RGS5: variants seen among roughly 807,000 people sequenced by gnomAD.
RGS5 encodes the protein regulator of G protein signaling 5.
Under a neutral mutation model 18.9 loss-of-function variants are expected in RGS5, and 20 were observed. That is an observed-to-expected ratio of 1.06 (90% confidence interval 0.74 to 1.54). RGS5 has a LOEUF of 1.54. Ranked by LOEUF, RGS5 falls within the 40% of genes most tolerant of loss-of-function variation. The pLI is 0.00. For missense variants in RGS5, 201 were observed against 211.8 expected (o/e 0.95, Z 0.32); for synonymous variants, 57 against 76.2 (o/e 0.75, Z 1.31).
At chr1:163,220,167 T>C (rs1647201201), upstream of RGS5, among the ~76,000 whole-genome samples, 1 of 152,224 alleles carries the variant, frequency 6.6e-6, no homozygotes, top group African/African-American at 2.4e-5. Flanking sequence ...GAAGTTGAGC[T>C]CCTTTATATG....
upstream of RGS5, among the ~76,000 whole-genome samples, chr1:163,205,417 T>C (rs149571362): frequency 2.8e-3 from 420 of 147,550 alleles, 4 homozygotes; most frequent in African/African-American, 9.1e-3. Flanking sequence ...AAAAAATAAA[T>C]TGAACTATTT....
At chr1:163,248,153 T>C (rs987667330) in intron 2 of RGS5, 15 of 152,208 alleles carry the variant, frequency 9.9e-5, no homozygotes, top group African/African-American at 2.9e-4. Flanking sequence ...CCACTTTCTT[T>C]ATTAGATCTG....
intron 2 of RGS5, among the ~76,000 whole-genome samples, chr1:163,224,849 T>A (rs1023369801): frequency 6.6e-6 from 1 of 152,210 alleles, no homozygotes; most frequent in South Asian, 2.1e-4. Flanking sequence ...TTTTGAGAAA[T>A]GTATATTCAG....
intron 1 of RGS5, among the ~76,000 whole-genome samples, chr1:163,177,890 A>G (rs1380257974): frequency 6.6e-6 from 1 of 152,196 alleles, no homozygotes; most frequent in Non-Finnish European, 1.5e-5. Context: ...GCAAATGATA[A>G]TTGACAAGAG....
upstream of RGS5, among the ~76,000 whole-genome samples, chr1:163,221,296 G>A (rs1477320471): frequency 6.6e-6 from 1 of 152,028 alleles, no homozygotes; most frequent in Non-Finnish European, 1.5e-5. Flanking sequence ...TCAGGAGTTC[G>A]CGACCAGCTT....
chr1:163,285,060 TACTC>T (rs1162672569), intron 2 of RGS5, among the ~76,000 whole-genome samples: 3 of 152,108 alleles, frequency 2.0e-5, no homozygotes, highest in Non-Finnish European at 4.4e-5. Flanking sequence ...TCATGAGACT[TACTC>T]ACTACCATGA....
At chr1:163,298,575 C>T (rs1026145826) in intron 2 of RGS5, among the ~76,000 whole-genome samples, 3 of 152,084 alleles carry the variant, frequency 2.0e-5, no homozygotes, top group African/African-American at 7.2e-5. Context: ...TCTTGTTATA[C>T]AGATAACATC....
At chr1:163,281,500 A>G (rs1648990340) in intron 2 of RGS5, among the ~76,000 whole-genome samples, 1 of 151,930 alleles carries the variant, frequency 6.6e-6, no homozygotes, top group Non-Finnish European at 1.5e-5. Context: ...CCTTTAAACA[A>G]CCTGCTCTCA....
chr1:163,300,177 G>A (rs1248155474), intron 2 of RGS5, among the ~76,000 whole-genome samples: 1 of 152,232 alleles, frequency 6.6e-6, no homozygotes, highest in Admixed American at 6.5e-5. Context: ...TGATGTTAGT[G>A]AATCCCATGA....
At chr1:163,178,674 C>G (rs975522079) in intron 1 of RGS5, among the ~76,000 whole-genome samples, 1 of 152,014 alleles carries the variant, frequency 6.6e-6, no homozygotes, top group African/African-American at 2.4e-5. Flanking sequence ...CAAAACCCAG[C>G]CATCTATAAG....
At chr1:163,148,934 G>A (rs1657263885) in intron 4 of RGS5, among the ~76,000 whole-genome samples, 2 of 152,308 alleles carry the variant, frequency 1.3e-5, no homozygotes, top group South Asian at 4.1e-4. Context: ...GCTGTTAGAG[G>A]TTTTTGGTAC....
At chr1:163,306,872 C>T (rs1649714692) in intron 1 of RGS5, among the ~76,000 whole-genome samples, 1 of 152,182 alleles carries the variant, frequency 6.6e-6, no homozygotes, top group Non-Finnish European at 1.5e-5. Flanking sequence ...TTCATCCTCA[C>T]AGCCCTCAGA....
At position 163,184,800 on chromosome 1, in the gene RGS5, T is replaced by TC. The variant is rs1659001810; in HGVS notation, c.45-16433dup. Reference sequence around the variant, plus strand: ...GTTAGAAAAGGCAAATAAATCAATTTCCCCCAGAACCTCCAGGAGGAATGC... The same window carrying TC: ...GTTAGAAAAGGCAAATAAATCAATTTCCCCCCAGAACCTCCAGGAGGAATGC... On this transcript the variant is annotated intron_variant, in intron 1 of 4. Coordinates refer to ENST00000313961, the MANE Select transcript of RGS5 (RefSeq NM_003617.4). Among the ~76,000 whole-genome samples the TC allele has an allele frequency of 2.0e-5, 3 of 152,132 alleles. No individual in the cohort carries two copies. In the East Asian group the frequency reaches 5.8e-4, roughly 29 times the overall value.
chr1:163,204,140 A>C (rs114155690), upstream of RGS5, among the ~76,000 whole-genome samples: 1 of 152,306 alleles, frequency 6.6e-6, no homozygotes, highest in Non-Finnish European at 1.5e-5. Flanking sequence ...GATGTTTTTA[A>C]TGTAATAAAT....
chr1:163,282,717 T>C (rs1179201450), intron 2 of RGS5, among the ~76,000 whole-genome samples: 1 of 151,902 alleles, frequency 6.6e-6, no homozygotes, highest in Non-Finnish European at 1.5e-5. Flanking sequence ...TGTCTCTAAA[T>C]AAACAGATAA....
chr1:163,222,621 G>T (rs1253309466), upstream of RGS5, among the ~76,000 whole-genome samples: 1 of 152,138 alleles, frequency 6.6e-6, no homozygotes, highest in East Asian at 1.9e-4. Context: ...TTTATGGAAA[G>T]CTTAGAAGAA....
chr1:163,189,602 T>C (rs1399693934), intron 1 of RGS5, among the ~76,000 whole-genome samples: 1 of 152,176 alleles, frequency 6.6e-6, no homozygotes, highest in Non-Finnish European at 1.5e-5. Context: ...CTTAACTAAG[T>C]CCTTCCATCT....
At chr1:163,241,221 G>T (rs1340684807) in intron 2 of RGS5, among the ~76,000 whole-genome samples, 1 of 152,174 alleles carries the variant, frequency 6.6e-6, no homozygotes, top group African/African-American at 2.4e-5. Flanking sequence ...GGATTAGAAT[G>T]TAAGTTTAAT....
intron 2 of RGS5, chr1:163,237,921 C>G (rs1647672978): frequency 6.5e-6 from 1 of 154,208 alleles, no homozygotes; most frequent in Admixed American, 6.5e-5. Flanking sequence ...GATGTTGCCA[C>G]TGACGGATGA....
Sources: allele counts gnomAD v4.1 joint callset (sites outside exome capture counted in the v4.1 genomes callset), GRCh38; gene constraint gnomAD v4.1.1; transcripts MANE v1.5; gene names NCBI Gene and HGNC (gene_info 2026-07-23, HGNC 2026-07-21).